Variants in TRDN observed in about 807,000 individuals in gnomAD.
TRDN encodes the protein triadin, also known as triadin in skeletal muscle.
TRDN carries 161 observed loss-of-function variants against 149.7 expected under a neutral mutation model. The ratio of observed to expected loss-of-function variants is 1.08; its 90% CI spans 0.95 to 1.23. The LOEUF (loss-of-function observed/expected upper bound fraction) is 1.23. Among genes scored for constraint, TRDN ranks in the 50% most tolerant of loss-of-function variants. The pLI is 0.00. For missense variants in TRDN, 896 were observed against 823.5 expected (o/e 1.09, Z -1.08); for synonymous variants, 294 against 250.5 (o/e 1.17, Z -1.64).
At chr6:123,378,682 T>C (rs759759909) in intron 16 of TRDN, among the ~76,000 whole-genome samples, 1 of 152,176 alleles carries the variant, frequency 6.6e-6, no homozygotes, top group African/African-American at 2.4e-5. Context: ...GTGGACTGCC[T>C]CTTCTAAGAA....
intron 21 of TRDN, among the ~76,000 whole-genome samples, chr6:123,340,916 T>C (rs1394985874): frequency 6.6e-6 from 1 of 152,058 alleles, no homozygotes; most frequent in Non-Finnish European, 1.5e-5. Flanking sequence ...GCACTGTTCC[T>C]AAAGTTATTT....
intron 23 of TRDN, among the ~76,000 whole-genome samples, chr6:123,322,902 G>C (rs1779301471): frequency 6.6e-6 from 1 of 151,986 alleles, no homozygotes. Flanking sequence ...GCCTCCCAAA[G>C]TGCTGGGATT....
chr6:123,403,951 A>G (rs1773091517), intron 12 of TRDN, among the ~76,000 whole-genome samples: 1 of 152,194 alleles, frequency 6.6e-6, no homozygotes. Flanking sequence ...TATTGAAATG[A>G]TTCAGGTTTT....
chr6:123,256,038 C>T (rs543314531), intron 35 of TRDN, 136 bp from the exon 36 acceptor site: 3 of 372,382 alleles, frequency 8.1e-6, no homozygotes, highest in South Asian at 1.1e-4. Context: ...TTGCTGCACC[C>T]GTCAACCCAT....
At chr6:123,502,977 C>G in intron 8 of TRDN, 4 of 985,266 alleles carry the variant, frequency 4.1e-6, no homozygotes, top group Non-Finnish European at 4.8e-6. Context: ...CCTCCTAAAC[C>G]TTCAGCTCTG....
At position 123,273,340 on chromosome 6, in the gene TRDN, G is replaced by C. The variant is rs1334009748; in HGVS notation, c.1621C>G (p.His541Asp). ...KPAISEKVQI[H>D]KQDIVKPEKT... is the part of the protein sequence containing the mutation. Reference sequence around the variant, plus strand: ...AAAAGATAAAATTAATACATACTGTGTATTTGCACTTTTTCAGATATAGCT... The same window carrying C: ...AAAAGATAAAATTAATACATACTGTCTATTTGCACTTTTTCAGATATAGCT... The change falls in exon 28 of 41, where the codon CAC becomes GAC. Residue 541 changes from histidine (H) to aspartate (D), a missense_variant. His to Asp is a moderately conservative substitution (Grantham distance 81). Coordinates refer to ENST00000334268, the MANE Select transcript of TRDN (RefSeq NM_006073.4). 1 of 1,055,192 alleles carries C rather than the reference G, an allele frequency of 9.5e-7. No individual in the cohort carries two copies. Among genetic ancestry groups the C allele is most frequent in the African/African-American group, 1.7e-5 (1 of 58,772 alleles). 65.4% of individuals were successfully genotyped at this position (1,055,192 alleles called of 1,614,324 possible). A position where few individuals can be genotyped will look rare whatever the true frequency, so the allele number is the denominator to read the frequency against.
intron 1 of TRDN, among the ~76,000 whole-genome samples, chr6:123,572,685 A>T (rs1000446477): frequency 6.6e-6 from 1 of 152,146 alleles, no homozygotes; most frequent in African/African-American, 2.4e-5. Flanking sequence ...TACCAATCCA[A>T]ATATTTTTGC....
intron 38 of TRDN, among the ~76,000 whole-genome samples, chr6:123,247,987 A>G (rs1344754647): frequency 6.6e-6 from 1 of 152,104 alleles, no homozygotes; most frequent in Non-Finnish European, 1.5e-5. Flanking sequence ...TGACAAAAAC[A>G]AACAATGGGA....
chr6:123,464,320 A>C, intron 10 of TRDN: 6 of 983,152 alleles, frequency 6.1e-6, no homozygotes, highest in Non-Finnish European at 7.2e-6. Flanking sequence ...TATTAGTAGT[A>C]TTAACCACCA....
rs79581112 is a variant in TRDN at position 123,287,016 on chromosome 6, A to G, written c.1511-7934T>C. On this transcript the variant is annotated intron_variant, in intron 24 of 40. Transcript: ENST00000334268. ...CAAATTATTGCTCTGAAGGGATAAA[A>G]TCATCATTCACCACATATAGTGCAT... Among the ~76,000 whole-genome samples, 484 of 152,288 alleles carry G rather than the reference A, an allele frequency of 3.2e-3. 18 individuals carry two copies. The East Asian group carries it at 0.08, about 25-fold the overall frequency.
intron 1 of TRDN, among the ~76,000 whole-genome samples, chr6:123,621,917 GT>G (rs1449054660): frequency 6.6e-6 from 1 of 152,168 alleles, no homozygotes; most frequent in African/African-American, 2.4e-5. Flanking sequence ...TGATCTGGGT[GT>G]TGGTTATGTG....
intron 1 of TRDN, among the ~76,000 whole-genome samples, chr6:123,573,373 T>C (rs1480803997): frequency 6.6e-6 from 1 of 152,082 alleles, no homozygotes; most frequent in Non-Finnish European, 1.5e-5. Flanking sequence ...TATATCATAA[T>C]CATTATTATC....
intron 1 of TRDN, among the ~76,000 whole-genome samples, chr6:123,608,881 A>C (rs890039086): frequency 6.6e-6 from 1 of 152,104 alleles, no homozygotes; most frequent in African/African-American, 2.4e-5. Context: ...ATGAAAAAAA[A>C]ATGGAAGCAG....
At chr6:123,387,158 A>T (rs1781936519) in intron 14 of TRDN, among the ~76,000 whole-genome samples, 1 of 152,124 alleles carries the variant, frequency 6.6e-6, no homozygotes, top group African/African-American at 2.4e-5. Flanking sequence ...TATTAGAGGC[A>T]AATTAATTAT....
At chr6:123,622,685 C>T (rs903342538) in intron 1 of TRDN, among the ~76,000 whole-genome samples, 1 of 152,100 alleles carries the variant, frequency 6.6e-6, no homozygotes, top group Admixed American at 6.6e-5. Context: ...CAGTAATCAC[C>T]ACAGTGTCCT....
At chr6:123,286,886 T>A (rs74751268) in intron 24 of TRDN, among the ~76,000 whole-genome samples, 1 of 152,014 alleles carries the variant, frequency 6.6e-6, no homozygotes, top group Non-Finnish European at 1.5e-5. Context: ...ATGTAGCTAC[T>A]TGGACTCCAT....
intron 19 of TRDN, among the ~76,000 whole-genome samples, chr6:123,367,818 G>T (rs1781172174): frequency 6.6e-6 from 1 of 152,142 alleles, no homozygotes; most frequent in Non-Finnish European, 1.5e-5. Flanking sequence ...CCGCACTTTG[G>T]AAACTGATAA....
chr6:123,342,374 T>C (rs1163602975), intron 21 of TRDN, among the ~76,000 whole-genome samples: 1 of 151,904 alleles, frequency 6.6e-6, no homozygotes, highest in Admixed American at 6.6e-5. Flanking sequence ...GAAAATTTTA[T>C]TAGTCATGAA....
chr6:123,627,227 C>A (rs1271119565), intron 1 of TRDN, among the ~76,000 whole-genome samples: 2 of 152,048 alleles, frequency 1.3e-5, no homozygotes, highest in Non-Finnish European at 2.9e-5. Context: ...CCGAGCCTGG[C>A]CCACAAAATG....
Sources: gnomAD v4.1 joint callset for allele counts (sites outside exome capture counted in the v4.1 genomes callset) on GRCh38, gnomAD v4.1.1 for gene constraint, MANE v1.5 for transcripts, NCBI Gene and HGNC (gene_info 2026-07-23, HGNC 2026-07-21) for gene names.